The following TERB1 variants were observed in gnomAD, a reference collection of about 807,000 sequenced individuals.
The protein encoded by TERB1 is telomere repeats-binding bouquet formation protein 1.
Under a neutral mutation model 92.3 loss-of-function variants are expected in TERB1, and 63 were observed. The ratio of observed to expected loss-of-function variants is 0.68; its 90% CI spans 0.56 to 0.84. The LOEUF is 0.84. Among genes scored for constraint, TERB1 ranks in the 40% least tolerant of loss-of-function variants. The pLI, the probability that TERB1 is intolerant of heterozygous loss-of-function variation, is 0.00. For synonymous variants in TERB1, 252 were observed against 283.9 expected (o/e 0.89, Z 1.13); for missense variants, 709 against 843.7 (o/e 0.84, Z 1.98).
chr16:66,770,219 T>C lies in TERB1; in HGVS notation c.1363A>G (p.Ile455Val). ...NTWKHLHADR[I>V]GRGSKAEDED... ...TCTTCTGCTTTGCTACCTCGACCAA[T>C]CCGATCTGCATGGAGATGTTTCCAT... Residue 455 changes from isoleucine (I) to valine (V), a missense_variant, in exon 14 of 19, where the codon ATT becomes GTT. Coordinates refer to ENST00000433154, the MANE Select transcript of TERB1 (RefSeq NM_001136505.2). The C allele has an allele frequency of 6.4e-7, 1 of 1,552,324 alleles. No individual in the cohort carries two copies. Among genetic ancestry groups the C allele is most frequent in the Non-Finnish European group, 8.7e-7 (1 of 1,147,122 alleles).
intron 2 of TERB1, among the ~76,000 whole-genome samples, chr16:66,797,130 T>C (rs983211339): frequency 6.6e-6 from 1 of 152,078 alleles, no homozygotes; most frequent in African/African-American, 2.4e-5. Context: ...CATAAACATA[T>C]CTGGCATTTC....
In TERB1 at chr16:66,768,140, T is replaced by C; in HGVS notation, c.1648A>G (p.Ile550Val). The C allele has an allele frequency of 6.4e-7, 1 of 1,550,844 alleles. No individual in the cohort carries two copies. Among genetic ancestry groups the C allele is most frequent in the East Asian group, 2.4e-5 (1 of 40,916 alleles). The change falls in exon 15 of 19, where the codon ATT becomes GTT. Residue 550 changes from isoleucine (I) to valine (V), a missense_variant. By Grantham distance (29) the Ile-to-Val change is conservative (BLOSUM62 3). Transcript: ENST00000433154. ...SDHVFKHPVH[I>V]AKNIKQQLPV... Reference sequence around the variant, plus strand: ...AACTGCTGCTTTATATTTTTGGCAATGTGAACTGGGTGTTTAAAAACATGG... The same window carrying C: ...AACTGCTGCTTTATATTTTTGGCAACGTGAACTGGGTGTTTAAAAACATGG...
intron 16 of TERB1, among the ~76,000 whole-genome samples, chr16:66,760,783 CA>C (rs57817560): frequency 3.1e-4 from 21 of 67,296 alleles, no homozygotes; most frequent in Admixed American, 9.2e-4. Context: ...GACTCCATCT[CA>C]AAAAAAAAAA....
At position 66,790,730 on chromosome 16, in the gene TERB1, G is replaced by T. The variant is rs947670010; in HGVS notation, c.143-7C>A. The T allele has an allele frequency of 6.5e-7, 1 of 1,546,932 alleles. No individual in the cohort carries two copies. Among genetic ancestry groups the T allele is most frequent in the African/African-American group, 1.4e-5 (1 of 72,624 alleles). On this transcript the variant is annotated splice_polypyrimidine_tract_variant and splice_region_variant and intron_variant, in intron 4 of 18. Transcript: ENST00000433154. The stretch of plus-strand genomic sequence containing the variant: ...AAATAAACACTTGCATTACCTGTAG[G>T]ATGTGCAGAAAAAAAACAAAATAGA...
intron 1 of TERB1, 89 bp downstream of exon 1, chr16:66,801,379 A>G (rs1379710458): frequency 3.3e-5 from 5 of 152,272 alleles, no homozygotes; most frequent in Non-Finnish European, 5.9e-5. Flanking sequence ...CGTCCCCCCA[A>G]CTCGACCCTT....
chr16:66,778,268 T>A (rs1160734742), intron 10 of TERB1, among the ~76,000 whole-genome samples: 2 of 146,604 alleles, frequency 1.4e-5, no homozygotes, highest in African/African-American at 2.5e-5. Flanking sequence ...AAATTTTAAA[T>A]TTTTTTTTTT....
Position 66,798,015 on chromosome 16 carries a change from T to C in TERB1, c.-32-1185A>G, listed in dbSNP as rs1255984172. On this transcript the variant is annotated intron_variant, in intron 2 of 18. Coordinates refer to ENST00000433154, the MANE Select transcript of TERB1 (RefSeq NM_001136505.2). The stretch of plus-strand genomic sequence containing the variant: ...AAAATTCTTATTTATTCCAACACTA[T>C]GTTGTTAAAGAGAGATATCCAATTA... Among the ~76,000 whole-genome samples, 4 of 151,080 alleles carry C rather than the reference T, an allele frequency of 2.6e-5. No individual in the cohort carries two copies. In the East Asian group the frequency reaches 5.8e-4, roughly 22 times the overall value.
rs1219835528 is a variant in TERB1, at chr16:66,800,987, G to C, written c.-43C>G. ...CTGCGGCCCGCTCACCTACAGAGTT[G>C]GATGAATTCCTTGTGCAGAGCTTAG... On this transcript the variant is annotated 5_prime_UTR_variant, in exon 2 of 19. Coordinates refer to ENST00000433154, the MANE Select transcript of TERB1 (RefSeq NM_001136505.2). 6.6e-6 allele frequency: 1 copy of C among 152,366 alleles called. No homozygotes were observed. Among genetic ancestry groups the C allele is most frequent in the African/African-American group, 2.4e-5 (1 of 41,458 alleles). 9.4% of individuals were successfully genotyped at this position (152,366 alleles called of 1,614,324 possible).
Position 66,777,284 on chromosome 16 carries a change from C to G in TERB1, c.904G>C (p.Ala302Pro). 1 of 1,549,576 alleles carries G rather than the reference C, an allele frequency of 6.5e-7. No homozygotes were observed. Among genetic ancestry groups the G allele is most frequent in the Non-Finnish European group, 8.7e-7 (1 of 1,145,342 alleles). Residue 302 changes from alanine (A) to proline (P), a missense_variant, in exon 11 of 19, where the codon GCA (alanine) becomes CCA (proline). Physicochemically the swap from Ala to Pro is conservative, Grantham distance 27. Transcript: ENST00000433154. ...SKYHIVSKLL[A>P]LLLHESLDSG... ...TCCAGACTTTCATGAAGCAGTAATG[C>G]CAGAAGTTTAGAAACAATGTGGTAC...
In TERB1 at chr16:66,800,978, TAC is replaced by T. The variant is rs1959264060; in HGVS notation, c.-36_-35del. 6.6e-6 allele frequency: 1 copy of T among 152,372 alleles called. No homozygotes were observed. Among genetic ancestry groups the T allele is most frequent in the Non-Finnish European group, 1.5e-5 (1 of 68,192 alleles). The allele number at this position is 152,372 out of a possible 1,614,324, so 9.4% of individuals were successfully genotyped here. A position where few individuals can be genotyped will look rare whatever the true frequency, so the allele number is the denominator to read the frequency against. On this transcript the variant is annotated splice_region_variant and 5_prime_UTR_variant, in exon 2 of 19. Transcript: ENST00000433154. ...CCATTCAGCCTGCGGCCCGCTCACCTACAGAGTTGGATGAATTCCTTGTGCAG... is the reference window on the plus strand; with the variant it reads ...CCATTCAGCCTGCGGCCCGCTCACCTAGAGTTGGATGAATTCCTTGTGCAG...
chr16:66,777,796 C>G (rs1347239600), intron 10 of TERB1, among the ~76,000 whole-genome samples: 1 of 152,156 alleles, frequency 6.6e-6, no homozygotes, highest in Non-Finnish European at 1.5e-5. Context: ...TACTGACTTA[C>G]TGATGCAATG....
chr16:66,789,784 C>T (rs2018797779), intron 5 of TERB1, among the ~76,000 whole-genome samples: 1 of 150,660 alleles, frequency 6.6e-6, no homozygotes, highest in Non-Finnish European at 1.5e-5. Flanking sequence ...AATCTCGGCC[C>T]ACTGCCACCT....
At chr16:66,769,613 T>C (rs1052795969) in intron 14 of TERB1, among the ~76,000 whole-genome samples, 1 of 152,260 alleles carries the variant, frequency 6.6e-6, no homozygotes, top group African/African-American at 2.4e-5. Context: ...TGATTATCAA[T>C]GCACGCATTG....
rs191266990 is a variant in TERB1, at chr16:66,772,903, C to G, written c.1112-154G>C. 1.4e-4 allele frequency among the ~76,000 whole-genome samples: 21 copies of G among 152,298 alleles called. No homozygotes were observed. In the East Asian group the frequency reaches 3.7e-3, roughly 27 times the overall value. On this transcript the variant is annotated intron_variant, in intron 12 of 18. Coordinates refer to ENST00000433154, the MANE Select transcript of TERB1 (RefSeq NM_001136505.2). Reference sequence around the variant, plus strand: ...TACTGAAAAGTAAGTGGAAGATTATCTAGCAGAGGCCCAGGACTCAAACAG... The same window carrying G: ...TACTGAAAAGTAAGTGGAAGATTATGTAGCAGAGGCCCAGGACTCAAACAG...
intron 9 of TERB1, among the ~76,000 whole-genome samples, chr16:66,782,321 G>A (rs879655851): frequency 3.3e-5 from 5 of 152,090 alleles, no homozygotes; most frequent in Non-Finnish European, 5.9e-5. Flanking sequence ...AGGCCAAGGC[G>A]GGAGGATCAC....
chr16:66,762,733 G>A (rs2018273753), intron 16 of TERB1, among the ~76,000 whole-genome samples: 2 of 151,530 alleles, frequency 1.3e-5, no homozygotes, highest in African/African-American at 4.9e-5. Flanking sequence ...ACCCAGACTG[G>A]AGTGCAGTGG....
At chr16:66,783,718 TTTGTTGTTG>T (rs543203804) in intron 9 of TERB1, among the ~76,000 whole-genome samples, 2 of 152,070 alleles carry the variant, frequency 1.3e-5, no homozygotes, top group South Asian at 2.1e-4. Context: ...TGTTTTGCGT[TTTGTTGTTG>T]TTGTTGTTGT....
chr16:66,790,736 C>A lies in TERB1; in HGVS notation c.143-13G>T. On this transcript the variant is annotated splice_polypyrimidine_tract_variant and intron_variant, in intron 4 of 18. Coordinates refer to ENST00000433154, the MANE Select transcript of TERB1 (RefSeq NM_001136505.2). The stretch of plus-strand genomic sequence containing the variant: ...ACACTTGCATTACCTGTAGGATGTG[C>A]AGAAAAAAAACAAAATAGAAATGAT... 1.3e-6 allele frequency: 2 copies of A among 1,541,424 alleles called. No homozygotes were observed. The highest frequency in any genetic ancestry group is 4.1e-5 in the Admixed American group (2 of 48,856).
chr16:66,799,005 C>G (rs1959216611), intron 2 of TERB1, among the ~76,000 whole-genome samples: 1 of 152,188 alleles, frequency 6.6e-6, no homozygotes, highest in South Asian at 2.1e-4. Context: ...CTCTTATCCT[C>G]TCTTATACTG....
Sources: gnomAD v4.1 joint callset for allele counts (sites outside exome capture counted in the v4.1 genomes callset) on GRCh38, gnomAD v4.1.1 for gene constraint, MANE v1.5 for transcripts, NCBI Gene and HGNC (gene_info 2026-07-23, HGNC 2026-07-21) for gene names.